SLC27A1: variants seen among roughly 807,000 people sequenced by gnomAD.
SLC27A1 encodes the protein long-chain fatty acid transport protein 1.
A neutral mutation model predicts 62.2 loss-of-function variants in SLC27A1; 61 were observed. The observed-to-expected ratio is 0.98, with a 90% confidence interval of 0.80 to 1.21. The LOEUF (loss-of-function observed/expected upper bound fraction) is 1.21. SLC27A1 is among the 50% of genes most tolerant of loss of function. SLC27A1 has a pLI of 0.00. For synonymous variants in SLC27A1, 435 were observed against 408.6 expected (o/e 1.06, Z -0.78); for missense variants, 903 against 932.1 (o/e 0.97, Z 0.41).
chr19:17,473,664 C>T (rs1423320247), intron 1 of SLC27A1, among the ~76,000 whole-genome samples: 3 of 152,160 alleles, frequency 2.0e-5, no homozygotes, highest in African/African-American at 7.2e-5. Context: ...GAGTTTGAGA[C>T]CAGCCTGGCC....
At chr19:17,495,065 C>T (rs113645159) in intron 6 of SLC27A1, among the ~76,000 whole-genome samples, 4,462 of 151,368 alleles carry the variant, frequency 0.029, 235 homozygotes, top group African/African-American at 0.098. Flanking sequence ...CTCTGCCTCT[C>T]GGGTTCAAGA....
intron 1 of SLC27A1, among the ~76,000 whole-genome samples, chr19:17,472,160 C>G (rs1450252358): frequency 6.6e-6 from 1 of 152,104 alleles, no homozygotes; most frequent in African/African-American, 2.4e-5. Context: ...TTTGGGAGGC[C>G]GAGGCAGGCA....
chr19:17,493,353 G>A (rs1339583225), intron 6 of SLC27A1, among the ~76,000 whole-genome samples: 7 of 146,158 alleles, frequency 4.8e-5, no homozygotes, highest in Non-Finnish European at 1.1e-4. Context: ...GTTTGAACCC[G>A]GGAAGTGGAG....
At chr19:17,501,031 C>T in intron 10 of SLC27A1, 155 bp downstream of exon 10, 8 of 1,088,372 alleles carry the variant, frequency 7.4e-6, no homozygotes, top group Non-Finnish European at 1.0e-5. Flanking sequence ...GCCAGTTCAC[C>T]TGGGTGATGT....
intron 11 of SLC27A1, among the ~76,000 whole-genome samples, chr19:17,503,931 C>T (rs1410957285): frequency 9.4e-5 from 5 of 53,316 alleles, no homozygotes; most frequent in African/African-American, 3.5e-4. Flanking sequence ...GACTATGTCT[C>T]AAAAAAAAAA....
rs1231485188 is a variant in SLC27A1, at chr19:17,478,296, A to G, written c.167+7589A>G. Among the ~76,000 whole-genome samples, 4 of 151,248 alleles carry G rather than the reference A, an allele frequency of 2.6e-5. 1 individual carries two copies. Among genetic ancestry groups the G allele is most frequent in the Non-Finnish European group, 5.9e-5 (4 of 67,850 alleles). ...AGCCTGGCCAACATGATGAAACCCC[A>G]TCTCTACTAAAAATACAAAAATTAG... On this transcript the variant is annotated intron_variant, in intron 1 of 11. Transcript: ENST00000252595.
intron 1 of SLC27A1, among the ~76,000 whole-genome samples, chr19:17,473,509 A>G (rs79964537): frequency 4.6e-5 from 7 of 152,146 alleles, no homozygotes; most frequent in Non-Finnish European, 8.8e-5. Flanking sequence ...TGGGGCTACA[A>G]TGACATTTTG....
chr19:17,494,312 C>T (rs1568420354), intron 6 of SLC27A1, among the ~76,000 whole-genome samples: 1 of 151,090 alleles, frequency 6.6e-6, no homozygotes, highest in East Asian at 1.9e-4. Flanking sequence ...CGTGAGCCAC[C>T]GTGCCTGGCC....
At chr19:17,487,141 C>G (rs1217942134) in intron 2 of SLC27A1, 33 bp from the exon 3 acceptor site, 2 of 1,613,140 alleles carry the variant, frequency 1.2e-6, no homozygotes. Flanking sequence ...GCCTGTCCGG[C>G]GGTGACCATG....
chr19:17,484,461 G>A (rs4808082), intron 1 of SLC27A1, among the ~76,000 whole-genome samples: 7,433 of 152,156 alleles, frequency 0.049, 261 homozygotes, highest in South Asian at 0.099. Flanking sequence ...CCCTGGTGAC[G>A]TGCACCTGTA....
chr19:17,490,965 G>T (rs1273711723), intron 6 of SLC27A1: 3 of 148,496 alleles, frequency 2.0e-5, no homozygotes, highest in Admixed American at 6.9e-5. Flanking sequence ...GGAGGCAGAG[G>T]TTGCAGTGAG....
intron 10 of SLC27A1, 50 bp downstream of exon 10, chr19:17,500,926 T>A (rs2075405568): frequency 6.5e-7 from 1 of 1,533,282 alleles, no homozygotes; most frequent in Admixed American, 2.3e-5. Flanking sequence ...CTGAGGGAGC[T>A]CAGCCAAAAG....
rs757367832 is a variant in SLC27A1, at chr19:17,497,281, C to T, written c.1023C>T (p.Cys341=). The change falls in exon 7 of 12, where the codon TGC becomes TGT. Residue 341 remains cysteine, a synonymous_variant. Coordinates refer to ENST00000252595, the MANE Select transcript of SLC27A1 (RefSeq NM_198580.3). ...TGGTTCAGTACATCGGGGAGATCTG[C>T]CGCTACCTGCTGAAGCAGCCGGTGC... ...CTVVQYIGEI[C]RYLLKQPVRE... 10 of 1,606,038 alleles carry T rather than the reference C, an allele frequency of 6.2e-6. No homozygotes were observed. The highest frequency in any genetic ancestry group is 7.6e-6 in the Non-Finnish European group (9 of 1,177,712).
intron 6 of SLC27A1, 178 bp from the exon 7 acceptor site, chr19:17,497,077 C>T: frequency 1.8e-6 from 1 of 550,210 alleles, no homozygotes; most frequent in Non-Finnish European, 3.2e-6. Flanking sequence ...CTGAACGAGT[C>T]CTAGGAGTCA....
intron 1 of SLC27A1, among the ~76,000 whole-genome samples, chr19:17,482,280 G>C (rs961332594): frequency 6.6e-6 from 1 of 152,112 alleles, no homozygotes; most frequent in Non-Finnish European, 1.5e-5. Flanking sequence ...GCACTTTGCC[G>C]GGGTGAGGCA....
chr19:17,503,250 A>C (rs893919404), intron 11 of SLC27A1, among the ~76,000 whole-genome samples: 1 of 151,218 alleles, frequency 6.6e-6, no homozygotes, highest in African/African-American at 2.4e-5. Flanking sequence ...CACAGCCAAA[A>C]TATATCAGGG....
rs1057053798 is a variant in SLC27A1, at chr19:17,499,895, A to G, written c.1207-383A>G. 3 of 206,906 alleles carry G rather than the reference A, an allele frequency of 1.4e-5. No homozygotes were observed. The Admixed American group carries it at 1.6e-4, about 11-fold the overall frequency. The allele number at this position is 206,906 out of a possible 1,614,324, so 12.8% of individuals were successfully genotyped here. ...ACACCAGACAGGGTGTAGTGGCTCAAACATGTTGGAGAAGCATTTCTGTTC... is the reference window on the plus strand; with the variant it reads ...ACACCAGACAGGGTGTAGTGGCTCAGACATGTTGGAGAAGCATTTCTGTTC... On this transcript the variant is annotated intron_variant, in intron 7 of 11. Coordinates refer to ENST00000252595, the MANE Select transcript of SLC27A1 (RefSeq NM_198580.3).
chr19:17,475,635 C>T (rs2075115094), intron 1 of SLC27A1, among the ~76,000 whole-genome samples: 1 of 152,176 alleles, frequency 6.6e-6, no homozygotes, highest in South Asian at 2.1e-4. Context: ...CGGGGAGGCA[C>T]AGGACTCCAG....
chr19:17,486,348 G>A lies in SLC27A1; in HGVS notation c.168-215G>A, dbSNP rs896956371. Among the ~76,000 whole-genome samples, 2 of 152,178 alleles carry A rather than the reference G, an allele frequency of 1.3e-5. No homozygotes were observed. The highest frequency in any genetic ancestry group is 2.9e-5 in the Non-Finnish European group (2 of 68,018). ...GGGTATGGGGGAGGACAGGGTGACT[G>A]GTTTATTACGCTTTGAGAATCTACC... On this transcript the variant is annotated intron_variant, in intron 1 of 11. Coordinates refer to ENST00000252595, the MANE Select transcript of SLC27A1 (RefSeq NM_198580.3). The surrounding 1 kb of genome is among the most constrained non-coding windows in gnomAD (Gnocchi z 6.6).
Sources: gnomAD v4.1 joint callset for allele counts (sites outside exome capture counted in the v4.1 genomes callset) on GRCh38, gnomAD v4.1.1 for gene constraint, Gnocchi (gnomAD v3.1) non-coding constraint, MANE v1.5 for transcripts, NCBI Gene and HGNC (gene_info 2026-07-23, HGNC 2026-07-21) for gene names.